GREB1: variants seen among roughly 807,000 people sequenced by gnomAD.
The protein encoded by GREB1 is protein GREB1.
Under a neutral mutation model 200.7 loss-of-function variants are expected in GREB1, and 106 were observed. The ratio of observed to expected loss-of-function variants is 0.53; its 90% CI spans 0.45 to 0.62. The LOEUF (loss-of-function observed/expected upper bound fraction) is 0.62. GREB1 is among the 20% of genes least tolerant of loss of function. GREB1 has a pLI of 0.00. For synonymous variants in GREB1, 1,132 were observed against 1,092.4 expected (o/e 1.04, Z -0.72); for missense variants, 2,243 against 2,556.8 (o/e 0.88, Z 2.65).
intron 1 of GREB1, among the ~76,000 whole-genome samples, chr2:11,484,098 G>A (rs930217920): frequency 5.9e-5 from 9 of 152,134 alleles, no homozygotes; most frequent in African/African-American, 2.2e-4. Context: ...CGCCTGGTTT[G>A]TAGCACTTTG....
intron 22 of GREB1, among the ~76,000 whole-genome samples, chr2:11,620,537 G>A (rs903347954): frequency 1.3e-5 from 2 of 152,098 alleles, no homozygotes; most frequent in African/African-American, 4.8e-5. Context: ...GTCTTGTACA[G>A]ACATAATGAT....
chr2:11,541,463 C>A (rs1483525206), intron 1 of GREB1, among the ~76,000 whole-genome samples: 1 of 151,602 alleles, frequency 6.6e-6, no homozygotes, highest in Non-Finnish European at 1.5e-5. Context: ...CCATGGGGAT[C>A]GGAACACTTG....
At chr2:11,531,522 C>T (rs1465383895), upstream of GREB1, among the ~76,000 whole-genome samples, 1 of 151,834 alleles carries the variant, frequency 6.6e-6, no homozygotes, top group Non-Finnish European at 1.5e-5. Flanking sequence ...AAAAAAATTG[C>T]GTATAATTCT....
intron 5 of GREB1, among the ~76,000 whole-genome samples, chr2:11,577,470 T>TGCA (rs1678992134): frequency 6.6e-6 from 1 of 152,254 alleles, no homozygotes; most frequent in Non-Finnish European, 1.5e-5. Context: ...GTGATTGGGA[T>TGCA]GCAGCTTTCA....
intron 1 of GREB1, among the ~76,000 whole-genome samples, chr2:11,543,062 T>C (rs1674919099): frequency 6.6e-6 from 1 of 152,154 alleles, no homozygotes; most frequent in East Asian, 1.9e-4. Context: ...TAGGGGTTGT[T>C]TTCTGGGGAC....
Position 11,634,363 on chromosome 2 carries a change from C to G in GREB1, c.5210+14C>G, listed in dbSNP as rs779249119. 1.2e-6 allele frequency: 2 copies of G among 1,604,720 alleles called. No individual in the cohort carries two copies. The highest frequency in any genetic ancestry group is 1.7e-6 in the Non-Finnish European group (2 of 1,173,350). ...CAACCAGAACCGGTGAGCTCCTGCA[C>G]CTGGGGCAGAGGCGGCGGCAGCCCT... On this transcript the variant is annotated intron_variant, in intron 29 of 32. Transcript: ENST00000381486.
intron 1 of GREB1, among the ~76,000 whole-genome samples, chr2:11,538,273 C>T (rs778917932): frequency 5.3e-5 from 8 of 152,200 alleles, no homozygotes; most frequent in Non-Finnish European, 8.8e-5. Flanking sequence ...ACAAGTTCTA[C>T]CCTTTAGCGC....
At chr2:11,546,774 G>C (rs1160694854) in intron 1 of GREB1, among the ~76,000 whole-genome samples, 3 of 152,108 alleles carry the variant, frequency 2.0e-5, no homozygotes, top group Non-Finnish European at 4.4e-5. Context: ...GTCTCCTTAG[G>C]CCAAGTCTCT....
chr2:11,610,793 G>T lies in GREB1; in HGVS notation c.2772G>T (p.Thr924=), dbSNP rs373441174. ...GCCTCCCGCAGATGAAGAACTACAC[G>T]TCGGTGGAGACGCTGGAGATCACGC... ...VSGLPQMKNY[T]SVETLEITQN... The change falls in exon 18 of 33, where the codon ACG becomes ACT. Residue 924 remains threonine (T), a synonymous_variant. Coordinates refer to ENST00000381486, the MANE Select transcript of GREB1 (RefSeq NM_014668.4). 3 of 1,613,584 alleles carry T rather than the reference G, an allele frequency of 1.9e-6. No individual in the cohort carries two copies. The highest frequency in any genetic ancestry group is 1.7e-5 in the Admixed American group (1 of 60,034).
At position 11,640,386 on chromosome 2, in the gene GREB1, G is replaced by A. The variant is rs1685731433; in HGVS notation, c.5782G>A (p.Asp1928Asn). The A allele has an allele frequency of 1.2e-5, 19 of 1,614,216 alleles. No individual in the cohort carries two copies. Among genetic ancestry groups the A allele is most frequent in the Non-Finnish European group, 1.6e-5 (19 of 1,180,040 alleles). ...LEDEWQFRLR[D>N]EFQTANARED... ...GGACGAGTGGCAGTTCCGGCTGCGC[G>A]ATGAGTTCCAGACCGCCAATGCCAG... The change falls in exon 33 of 33, where the codon GAT becomes AAT. Residue 1928 changes from aspartate to asparagine, a missense_variant. This residue lies in a region of GREB1 where 478 missense variants were observed against 616.3 expected (regional missense o/e 0.78). Coordinates refer to ENST00000381486, the MANE Select transcript of GREB1 (RefSeq NM_014668.4). The surrounding 1 kb of genome is among the most constrained non-coding windows in gnomAD (Gnocchi z 4.6).
intron 26 of GREB1, among the ~76,000 whole-genome samples, chr2:11,631,365 G>T (rs951463202): frequency 6.6e-6 from 1 of 152,244 alleles, no homozygotes; most frequent in Non-Finnish European, 1.5e-5. Flanking sequence ...AGACATACAA[G>T]AATAATGTGT....
chr2:11,605,364 T>C (rs1198017162), intron 17 of GREB1, among the ~76,000 whole-genome samples: 1 of 151,746 alleles, frequency 6.6e-6, no homozygotes, highest in East Asian at 1.9e-4. Flanking sequence ...TAGCTGGAAT[T>C]ACAGGCGCTT....
intron 23 of GREB1, among the ~76,000 whole-genome samples, chr2:11,624,741 A>C (rs1684296064): frequency 6.6e-6 from 1 of 152,236 alleles, no homozygotes; most frequent in Non-Finnish European, 1.5e-5. Flanking sequence ...CACAGGCTGC[A>C]TGTGGCCCAG....
At position 11,562,387 on chromosome 2, in the gene GREB1, C is replaced by A. The variant is rs1677152935; in HGVS notation, c.158-76C>A. On this transcript the variant is annotated intron_variant, in intron 2 of 32. Coordinates refer to ENST00000381486, the MANE Select transcript of GREB1 (RefSeq NM_014668.4). Reference sequence around the variant, plus strand: ...GGCTTGTTGAGCCTGAGAATGCAGGCAGAGGAAAGGCCCTGGGGGAAGCTC... The same window carrying A: ...GGCTTGTTGAGCCTGAGAATGCAGGAAGAGGAAAGGCCCTGGGGGAAGCTC... The A allele has an allele frequency of 3.8e-6, 6 of 1,574,554 alleles. No homozygotes were observed. In the East Asian group the frequency reaches 9.2e-5, roughly 24 times the overall value.
chr2:11,483,687 G>GTGT (rs1672573952), intron 1 of GREB1, among the ~76,000 whole-genome samples: 73 of 132,386 alleles, frequency 5.5e-4, no homozygotes, highest in African/African-American at 1.9e-3. Context: ...TACAAGAAGG[G>GTGT]GTGTGTGTGT....
Position 11,592,824 on chromosome 2 carries a change from G to T in GREB1, c.1394G>T (p.Arg465Leu). ...LMEDLEQIFL[R>L]SWRESHLTEI... The stretch of plus-strand genomic sequence containing the variant: ...GAGGACCTGGAGCAGATCTTCCTGC[G>T]CTCTTGGCGCGAGTCGCACCTGACC... The change falls in exon 11 of 33, where the codon CGC becomes CTC. Residue 465 changes from arginine (R) to leucine (L), a missense_variant. Arg to Leu is a moderately radical substitution (Grantham distance 102, BLOSUM62 -2). Coordinates refer to ENST00000381486, the MANE Select transcript of GREB1 (RefSeq NM_014668.4). The T allele has an allele frequency of 6.3e-7, 1 of 1,585,458 alleles. No homozygotes were observed. Among genetic ancestry groups the T allele is most frequent in the Middle Eastern group, 1.8e-4 (1 of 5,644 alleles).
chr2:11,616,164 G>C (rs1458187806), intron 20 of GREB1, among the ~76,000 whole-genome samples: 1 of 152,230 alleles, frequency 6.6e-6, no homozygotes, highest in Non-Finnish European at 1.5e-5. Context: ...ATTGCACTGA[G>C]CACTGGCCCA....
rs114116878 is a variant in GREB1 at position 11,498,660 on chromosome 2, T to C, written c.-159+16279T>C. ...AGTCTGAGTTCCTATGCAGTTTTGC[T>C]GCTGGGCAGCTGGGCAGCCTGCCTG... On this transcript the variant is annotated intron_variant, in intron 1 of 2. Coordinates refer to the GREB1 transcript ENST00000628795. Among the ~76,000 whole-genome samples the C allele has an allele frequency of 8.2e-3, 1,255 of 152,310 alleles. 24 individuals carry two copies. Among genetic ancestry groups the C allele is most frequent in the African/African-American group, 0.029 (1,194 of 41,576 alleles).
At chr2:11,516,658 G>A (rs780444465) in intron 1 of GREB1, among the ~76,000 whole-genome samples, 2 of 150,380 alleles carry the variant, frequency 1.3e-5, no homozygotes, top group African/African-American at 2.5e-5. Flanking sequence ...ATGCGGTTGA[G>A]GCGTGAGGGC....
Sources: gnomAD v4.1 joint callset for allele counts (sites outside exome capture counted in the v4.1 genomes callset) on GRCh38, gnomAD v4.1.1 for gene constraint, gnomAD v4.1.1 regional missense constraint, Gnocchi (gnomAD v3.1) non-coding constraint, MANE v1.5 for transcripts, NCBI Gene and HGNC (gene_info 2026-07-23, HGNC 2026-07-21) for gene names.